Variants in ZNF518A observed in about 807,000 individuals in gnomAD.
ZNF518A encodes zinc finger protein 518A, also known as zinc finger protein 518.
Under a neutral mutation model 102.7 loss-of-function variants are expected in ZNF518A, and 47 were observed. That is an observed-to-expected ratio of 0.46 (90% CI 0.36 to 0.58). The LOEUF is 0.58. ZNF518A is among the 20% of genes least tolerant of loss of function. The pLI is 0.00. For synonymous variants in ZNF518A, 652 were observed against 594.6 expected (o/e 1.10, Z -1.40); for missense variants, 1,793 against 1,699.8 (o/e 1.05, Z -0.96).
At chr10:96,168,086 A>G (rs955572900), downstream of ZNF518A, among the ~76,000 whole-genome samples, 3 of 152,370 alleles carry the variant, frequency 2.0e-5, no homozygotes, top group Middle Eastern at 3.4e-3. Context: ...CGCAGTTTTA[A>G]AAATCAGGAG....
intron 1 of ZNF518A, among the ~76,000 whole-genome samples, chr10:96,175,877 CCCTTCCTTCCTTCCTTCCTTCCTT>C (rs782226974): frequency 4.0e-5 from 2 of 49,692 alleles, no homozygotes; most frequent in African/African-American, 1.1e-4. Flanking sequence ...CTCCCTCCCT[CCCTTCCTTCCTTCCTTCCTTCCTT>C]CCTTCCTTCC....
Position 96,158,601 on chromosome 10 carries a change from T to C in ZNF518A, c.2279T>C (p.Met760Thr), listed in dbSNP as rs781842287. 54 of 1,613,294 alleles carry C rather than the reference T, an allele frequency of 3.3e-5. No homozygotes were observed. The highest frequency in any genetic ancestry group is 4.3e-5 in the Non-Finnish European group (51 of 1,179,670). The change falls in exon 6 of 6, where the codon ATG becomes ACG. Residue 760 changes from methionine (M) to threonine (T), a missense_variant. Around this residue, in one of 3 missense-constraint regions of ZNF518A, gnomAD observed 1,741 missense variants for 1,622.6 expected, o/e 1.07. Transcript: ENST00000316045. The stretch of plus-strand genomic sequence containing the variant: ...GACTTTTCTAATGTCGATTCACCTA[T>C]GATGCCTAGAATCACATCTGTTTTC... Reference protein sequence around the residue: ...WEDFSNVDSPMMPRITSVFSL... With the variant: ...WEDFSNVDSPTMPRITSVFSL...
In ZNF518A at chr10:96,179,756, C is replaced by CTTCTT. The variant is rs782219933; in HGVS notation, n.35+23710_35+23714dup. On this transcript the variant is annotated intron_variant and non_coding_transcript_variant, in intron 1 of 2. Coordinates refer to the ZNF518A transcript ENST00000442635. ...TAACACTTTTGAATCTTTTACAATT[C>CTTCTT]TTCTTCTTCTTCTTCTTCTTCCTTT... Among the ~76,000 whole-genome samples the CTTCTT allele has an allele frequency of 3.7e-4, 44 of 118,926 alleles. No individual in the cohort carries two copies. In the South Asian group the frequency reaches 0.01, roughly 28 times the overall value. 78.0% of individuals were successfully genotyped at this position (118,926 alleles called of 152,430 possible).
rs370810940 is a variant in ZNF518A, at chr10:96,158,024, A to G, written c.1702A>G (p.Thr568Ala). 4 of 1,613,720 alleles carry G rather than the reference A, an allele frequency of 2.5e-6. No individual in the cohort carries two copies. The African/African-American group carries it at 5.3e-5, about 22-fold the overall frequency. Residue 568 changes from threonine (T) to alanine (A), a missense_variant, in exon 6 of 6, where the codon ACA becomes GCA. Physicochemically the swap from Thr to Ala is moderately conservative, Grantham distance 58. This residue lies in a region of ZNF518A where 1,741 missense variants were observed against 1,622.6 expected (regional missense o/e 1.07). Transcript: ENST00000316045. The part of the protein sequence containing the change: ...ELVTASVNLT[T>A]KFETRDNVDF... ...GGTTACAGCATCAGTGAATTTGACCACAAAATTTGAAACAAGAGATAATGT... is the reference window on the plus strand; with the variant it reads ...GGTTACAGCATCAGTGAATTTGACCGCAAAATTTGAAACAAGAGATAATGT...
At chr10:96,131,127 A>G (rs2081316040) in intron 1 of ZNF518A, among the ~76,000 whole-genome samples, 1 of 152,216 alleles carries the variant, frequency 6.6e-6, no homozygotes, top group Non-Finnish European at 1.5e-5. Flanking sequence ...AAAATAAGTC[A>G]ATGTTCAAGG....
rs2082895481 is a variant in ZNF518A, at chr10:96,159,583, G to A, written c.3261G>A (p.Glu1087=). 6.2e-6 allele frequency: 10 copies of A among 1,613,872 alleles called. 1 individual carries two copies. Among genetic ancestry groups the A allele is most frequent in the African/African-American group, 4.0e-5 (3 of 75,044 alleles). ...NISDSVKQQN[E]IFPKPPLYTF... ...CCGATTCAGTAAAACAGCAGAATGA[G>A]ATTTTTCCAAAACCACCTCTTTATA... Residue 1087 remains glutamate (E), a synonymous_variant, in exon 6 of 6, where the codon GAG becomes GAA. Transcript: ENST00000316045.
rs1346748505 is a variant in ZNF518A at position 96,130,422 on chromosome 10, A to T, written c.-783A>T. Among the ~76,000 whole-genome samples the T allele has an allele frequency of 1.3e-5, 2 of 151,630 alleles. No individual in the cohort carries two copies. The highest frequency in any genetic ancestry group is 6.6e-5 in the Admixed American group (1 of 15,236). ...TACTTCCGGGCTTTTTGAACTCTAC[A>T]CTCTCCTACATTCTAGGAGCTGGGT... On this transcript the variant is annotated 5_prime_UTR_variant, in exon 1 of 6. Transcript: ENST00000316045.
rs775299406 is a variant in ZNF518A, at chr10:96,163,692, G to GA, written c.*2925dup. 2.4e-5 allele frequency: 4 copies of GA among 166,578 alleles called. No homozygotes were observed. Among genetic ancestry groups the GA allele is most frequent in the Admixed American group, 6.6e-5 (1 of 15,236 alleles). 10.3% of individuals were successfully genotyped at this position (166,578 alleles called of 1,614,324 possible). On this transcript the variant is annotated 3_prime_UTR_variant, in exon 6 of 6. Transcript: ENST00000316045. ...CTAACTACTCAATTCTCATAATGCA[G>GA]AAAAAAACCATAGACAATATGTAAA...
chr10:96,174,097 G>A (rs1308598778), intron 1 of ZNF518A, among the ~76,000 whole-genome samples: 2 of 152,084 alleles, frequency 1.3e-5, no homozygotes, highest in African/African-American at 2.4e-5. Flanking sequence ...GCAGTGCTTA[G>A]AGGGAAATTT....
intron 3 of ZNF518A, among the ~76,000 whole-genome samples, chr10:96,140,793 T>C (rs1352191550): frequency 2.6e-5 from 4 of 151,610 alleles, no homozygotes; most frequent in African/African-American, 4.8e-5. Flanking sequence ...TTGGAAAAAT[T>C]AGCTGGGCAT....
At chr10:96,155,231 T>A (rs1441307164) in intron 3 of ZNF518A, 95 bp from the exon 4 acceptor site, 8 of 152,214 alleles carry the variant, frequency 5.3e-5, no homozygotes, top group African/African-American at 1.7e-4. Flanking sequence ...TATGGCACTT[T>A]AAAGGATATT....
intron 1 of ZNF518A, chr10:96,196,845 G>C (rs1042718588): frequency 2.7e-5 from 41 of 1,497,744 alleles, no homozygotes; most frequent in Middle Eastern, 1.7e-4. Context: ...ATCTAATACA[G>C]TATTTGATGT....
intron 1 of ZNF518A, chr10:96,196,861 T>C: frequency 6.4e-7 from 1 of 1,570,760 alleles, no homozygotes; most frequent in Non-Finnish European, 8.7e-7. Context: ...GATGTCATTA[T>C]ACTCAATGCA....
intron 1 of ZNF518A, among the ~76,000 whole-genome samples, chr10:96,173,767 A>C (rs1328723292): frequency 6.6e-6 from 1 of 152,154 alleles, no homozygotes; most frequent in African/African-American, 2.4e-5. Context: ...ACAGCACTAC[A>C]AACTAGATCT....
At chr10:96,151,421 G>A (rs781883163) in intron 3 of ZNF518A, 1 of 152,232 alleles carries the variant, frequency 6.6e-6, no homozygotes, top group African/African-American at 2.4e-5. Context: ...AACAGTTGGT[G>A]CTAGCAATCC....
Position 96,157,859 on chromosome 10 carries a change from C to G in ZNF518A, c.1537C>G (p.Pro513Ala). 1 of 1,613,814 alleles carries G rather than the reference C, an allele frequency of 6.2e-7. No homozygotes were observed. The highest frequency in any genetic ancestry group is 8.5e-7 in the Non-Finnish European group (1 of 1,179,780). The part of the protein sequence containing the change: ...NDTVYMKAAT[P>A]FSCSSSILSG... ...CACAGTTTATATGAAAGCAGCTACT[C>G]CATTTTCATGTTCATCTTCTATACT... The change falls in exon 6 of 6, where the codon CCA (proline) becomes GCA (alanine). Residue 513 changes from proline to alanine, a missense_variant. Coordinates refer to ENST00000316045, the MANE Select transcript of ZNF518A (RefSeq NM_001330736.2).
chr10:96,170,473 G>T (rs1554890790), intron 1 of ZNF518A, among the ~76,000 whole-genome samples: 2 of 152,188 alleles, frequency 1.3e-5, no homozygotes, highest in African/African-American at 4.8e-5. Flanking sequence ...AATGAGGGCT[G>T]TTATTTACAG....
intron 1 of ZNF518A, chr10:96,199,369 G>T: frequency 3.3e-5 from 9 of 273,064 alleles, no homozygotes; most frequent in Admixed American, 1.2e-4. Context: ...TTGTTTGTTT[G>T]TTTGTTTGCC....
chr10:96,140,282 A>G (rs1273436376), intron 3 of ZNF518A, among the ~76,000 whole-genome samples: 2 of 152,184 alleles, frequency 1.3e-5, no homozygotes, highest in Non-Finnish European at 2.9e-5. Context: ...TTTTAGTGCC[A>G]TATAGTAAGA....
Sources: gnomAD v4.1 joint callset for allele counts (sites outside exome capture counted in the v4.1 genomes callset) on GRCh38, gnomAD v4.1.1 for gene constraint, gnomAD v4.1.1 regional missense constraint, MANE v1.5 for transcripts, NCBI Gene and HGNC (gene_info 2026-07-23, HGNC 2026-07-21) for gene names.